The following CERS6 variants were observed in gnomAD, a reference collection of about 807,000 sequenced individuals.
CERS6 encodes LAG1 homolog, ceramide synthase 6.
CERS6 carries 26 observed loss-of-function variants against 56.8 expected under a neutral mutation model. That is an observed-to-expected ratio of 0.46 (90% CI 0.34 to 0.63). The LOEUF (loss-of-function observed/expected upper bound fraction) is 0.63. Ranked by LOEUF, CERS6 falls within the 30% of genes least tolerant of loss-of-function variation. The pLI, the probability that CERS6 is intolerant of heterozygous loss-of-function variation, is 0.01. For synonymous variants in CERS6, 164 were observed against 173.3 expected (o/e 0.95, Z 0.42); for missense variants, 415 against 467.5 (o/e 0.89, Z 1.04).
chr2:168,603,389 T>C (rs903773477), intron 3 of CERS6, among the ~76,000 whole-genome samples: 1 of 152,186 alleles, frequency 6.6e-6, no homozygotes. Flanking sequence ...TTGCAGCCTT[T>C]ATGGGAAATA....
intron 3 of CERS6, among the ~76,000 whole-genome samples, chr2:168,584,985 GAGTT>G (rs1414488764): frequency 2.0e-5 from 3 of 152,230 alleles, no homozygotes; most frequent in Admixed American, 6.5e-5. Context: ...ATGGCAGAAA[GAGTT>G]AGCAGGATTT....
At chr2:168,756,348 G>A (rs1327822687) in intron 8 of CERS6, among the ~76,000 whole-genome samples, 5 of 152,168 alleles carry the variant, frequency 3.3e-5, no homozygotes, top group Admixed American at 2.6e-4. Flanking sequence ...CAAAGAAAAG[G>A]GCACAGGGCT....
chr2:168,568,679 G>A (rs1695926766), intron 3 of CERS6, among the ~76,000 whole-genome samples: 2 of 152,214 alleles, frequency 1.3e-5, no homozygotes, highest in African/African-American at 4.8e-5. Flanking sequence ...AGCCTCATCA[G>A]AGTGCCTGAA....
intron 8 of CERS6, among the ~76,000 whole-genome samples, chr2:168,724,320 A>G (rs1279370397): frequency 6.6e-6 from 1 of 152,184 alleles, no homozygotes; most frequent in East Asian, 1.9e-4. Context: ...TACAGCTCAT[A>G]AAAGCAGTGT....
rs187789871 is a variant in CERS6 at position 168,662,558 on chromosome 2, G to A, written c.466-28476G>A. Among the ~76,000 whole-genome samples, 98 of 152,166 alleles carry A rather than the reference G, an allele frequency of 6.4e-4. 1 individual carries two copies. Among genetic ancestry groups the A allele is most frequent in the African/African-American group, 2.2e-3 (93 of 41,516 alleles). ...AGCCTGGCCAACATGGTGAAACCCC[G>A]TCTCAACTAAAAACACAAAAAAATT... is the stretch of plus-strand genomic sequence containing the variant. On this transcript the variant is annotated intron_variant, in intron 4 of 9. Transcript: ENST00000305747.
At chr2:168,519,534 C>G (rs1306314278) in intron 1 of CERS6, among the ~76,000 whole-genome samples, 2 of 152,062 alleles carry the variant, frequency 1.3e-5, no homozygotes, top group Non-Finnish European at 2.9e-5. Context: ...CCCACCTTCC[C>G]CTTTTGGAAC....
At chr2:168,532,367 G>T (rs1695184258) in intron 1 of CERS6, among the ~76,000 whole-genome samples, 1 of 152,066 alleles carries the variant, frequency 6.6e-6, no homozygotes, top group Admixed American at 6.6e-5. Context: ...TGGCATCAGA[G>T]ATTCTCTTAA....
chr2:168,485,325 G>A (rs1315720072), intron 1 of CERS6, among the ~76,000 whole-genome samples: 1 of 151,624 alleles, frequency 6.6e-6, no homozygotes, highest in Non-Finnish European at 1.5e-5. Context: ...TGTTGCAGTT[G>A]ATGAGCCAAA....
At chr2:168,670,370 C>T (rs1685876950) in intron 4 of CERS6, among the ~76,000 whole-genome samples, 1 of 152,114 alleles carries the variant, frequency 6.6e-6, no homozygotes, top group Non-Finnish European at 1.5e-5. Flanking sequence ...CTTCCCCCAC[C>T]ACCTAGGTCT....
intron 6 of CERS6, among the ~76,000 whole-genome samples, chr2:168,711,731 C>CA (rs35886865): frequency 0.13 from 12,422 of 97,752 alleles, 1,260 homozygotes; most frequent in African/African-American, 0.28. Flanking sequence ...GAGACTGTCT[C>CA]AAAAAAAAAA....
Position 168,774,187 on chromosome 2 carries a change from G to A in CERS6, c.*4525G>A, listed in dbSNP as rs557381195. ...AAGTCTCTGCAGCCAGATAGTACAT[G>A]GTGTCTCCACAAAACTAGGCATTCT... is the stretch of plus-strand genomic sequence containing the variant. On this transcript the variant is annotated 3_prime_UTR_variant, in exon 10 of 10. Transcript: ENST00000305747. 6.6e-6 allele frequency: 1 copy of A among 152,258 alleles called. No homozygotes were observed. The highest frequency in any genetic ancestry group is 6.5e-5 in the Admixed American group (1 of 15,286). The allele number at this position is 152,258 out of a possible 1,614,324, so 9.4% of individuals were successfully genotyped here.
intron 8 of CERS6, among the ~76,000 whole-genome samples, chr2:168,752,278 A>AGTGTGT (rs1218283470): frequency 3.2e-5 from 2 of 61,566 alleles, no homozygotes; most frequent in African/African-American, 5.1e-5. Flanking sequence ...TAAAAAAATA[A>AGTGTGT]ATGTGTGTGT....
chr2:168,696,513 A>G (rs1686650793), intron 6 of CERS6, among the ~76,000 whole-genome samples: 1 of 152,246 alleles, frequency 6.6e-6, no homozygotes, highest in Admixed American at 6.5e-5. Context: ...GGAGGATAAA[A>G]TGCAATGTCT....
intron 8 of CERS6, among the ~76,000 whole-genome samples, chr2:168,724,102 G>T (rs1031779839): frequency 3.9e-5 from 6 of 152,104 alleles, no homozygotes; most frequent in Admixed American, 3.9e-4. Context: ...TGGTGCATCT[G>T]GAGTCTGTCC....
intron 1 of CERS6, among the ~76,000 whole-genome samples, chr2:168,502,779 C>G (rs1694607935): frequency 6.6e-6 from 1 of 152,200 alleles, no homozygotes; most frequent in Non-Finnish European, 1.5e-5. Flanking sequence ...AGATCTGGCC[C>G]CTGGCATGGG....
chr2:168,616,927 A>G (rs1450494180), intron 3 of CERS6, among the ~76,000 whole-genome samples: 1 of 152,186 alleles, frequency 6.6e-6, no homozygotes, highest in Non-Finnish European at 1.5e-5. Context: ...CAACCACAGA[A>G]TATGCATTTG....
At chr2:168,699,647 G>A (rs563363887) in intron 6 of CERS6, among the ~76,000 whole-genome samples, 1 of 152,022 alleles carries the variant, frequency 6.6e-6, no homozygotes, top group Non-Finnish European at 1.5e-5. Flanking sequence ...TTAAAAATGA[G>A]GGGAGAACTT....
chr2:168,703,150 A>T (rs553382166), intron 6 of CERS6, among the ~76,000 whole-genome samples: 1 of 152,332 alleles, frequency 6.6e-6, no homozygotes, highest in Non-Finnish European at 1.5e-5. Flanking sequence ...GTTAATACTG[A>T]TAGATATAGT....
At chr2:168,739,052 A>ATTTTTTTTTTTTT (rs59967315) in intron 8 of CERS6, among the ~76,000 whole-genome samples, 11 of 87,642 alleles carry the variant, frequency 1.3e-4, no homozygotes, top group African/African-American at 1.5e-4. Flanking sequence ...CACCCGGCTA[A>ATTTTTTTTTTTTT]TTTTTTTTTT....
Sources: allele counts gnomAD v4.1 joint callset (sites outside exome capture counted in the v4.1 genomes callset), GRCh38; gene constraint gnomAD v4.1.1; transcripts MANE v1.5; gene names NCBI Gene and HGNC (gene_info 2026-07-23, HGNC 2026-07-21).